TANGO2: variants seen among roughly 807,000 people sequenced by gnomAD.
The protein encoded by TANGO2 is transport and golgi organization 2 homolog.
In TANGO2, 26 loss-of-function variants were observed where a neutral mutation model predicts 39.1. That is an observed-to-expected ratio of 0.67 (90% CI 0.49 to 0.92). TANGO2 has a LOEUF of 0.92. TANGO2 is among the 40% of genes least tolerant of loss of function. The pLI is 0.00. For missense variants in TANGO2, 326 were observed against 360.1 expected, an observed-to-expected ratio of 0.91 and a Z score of 0.77; for synonymous variants, 131 against 144.5, an observed-to-expected ratio of 0.91 and a Z score of 0.67.
At chr22:20,028,832 G>A (rs2041288901) in intron 1 of TANGO2, among the ~76,000 whole-genome samples, 1 of 152,226 alleles carries the variant, frequency 6.6e-6, no homozygotes, top group Non-Finnish European at 1.5e-5. Context: ...CTGTCAGCAT[G>A]GCCCTCGTCC....
In TANGO2 at chr22:20,043,446, G is replaced by A; in HGVS notation, c.145+3G>A. ...GAACAACAACGAGATCCTCAGTGGTGAGTCTTCCTGCGTGCTCAGCGGTGG... is the reference window on the plus strand; with the variant it reads ...GAACAACAACGAGATCCTCAGTGGTAAGTCTTCCTGCGTGCTCAGCGGTGG... On this transcript the variant is annotated splice_donor_region_variant and intron_variant, in intron 3 of 8. Coordinates refer to ENST00000327374, the MANE Select transcript of TANGO2 (RefSeq NM_152906.7). The A allele has an allele frequency of 6.2e-7, 1 of 1,608,428 alleles. No homozygotes were observed.
intron 2 of TANGO2, among the ~76,000 whole-genome samples, chr22:20,039,331 A>G (rs530752748): frequency 6.6e-6 from 1 of 151,932 alleles, no homozygotes; most frequent in East Asian, 2.0e-4. Flanking sequence ...TATCTCTTTC[A>G]AAACTGCCTG....
intron 2 of TANGO2, among the ~76,000 whole-genome samples, chr22:20,039,990 T>A (rs1054183609): frequency 6.6e-6 from 1 of 152,140 alleles, no homozygotes; most frequent in Non-Finnish European, 1.5e-5. Context: ...TGACTTGCCA[T>A]CCTCAGGGAC....
chr22:20,063,594 G>A, intron 8 of TANGO2, 152 bp downstream of exon 8: 3 of 696,918 alleles, frequency 4.3e-6, no homozygotes, highest in Non-Finnish European at 4.6e-6. Flanking sequence ...AGACGCAGCT[G>A]CAGGGTGAGC....
upstream of TANGO2, among the ~76,000 whole-genome samples, chr22:20,018,755 G>A (rs901567502): frequency 6.6e-6 from 1 of 152,152 alleles, no homozygotes; most frequent in Non-Finnish European, 1.5e-5. Context: ...TCCAGCAGTC[G>A]GCCCATTAGG....
At chr22:20,043,318 T>G (rs2044342377) in intron 2 of TANGO2, 37 bp from the exon 3 acceptor site, 4 of 1,493,134 alleles carry the variant, frequency 2.7e-6, no homozygotes, top group African/African-American at 2.8e-5. Context: ...CTCGCTCGTT[T>G]CCATCTGAAG....
intron 1 of TANGO2, among the ~76,000 whole-genome samples, chr22:20,035,144 C>T (rs751381600): frequency 6.6e-6 from 1 of 152,214 alleles, no homozygotes; most frequent in Non-Finnish European, 1.5e-5. Context: ...GCCAGCAGAC[C>T]ATCTCAAATG....
At chr22:20,062,444 G>A (rs1405116851) in intron 7 of TANGO2, among the ~76,000 whole-genome samples, 1 of 152,078 alleles carries the variant, frequency 6.6e-6, no homozygotes, top group Non-Finnish European at 1.5e-5. Context: ...CTCCCCCTGG[G>A]GCCCCTTTCT....
intron 3 of TANGO2, among the ~76,000 whole-genome samples, chr22:20,050,442 C>T (rs953056632): frequency 3.6e-5 from 5 of 138,778 alleles, no homozygotes; most frequent in Non-Finnish European, 7.6e-5. Flanking sequence ...CTGCTCATTG[C>T]AACCTCCACC....
intron 3 of TANGO2, among the ~76,000 whole-genome samples, chr22:20,047,384 C>A (rs1343119084): frequency 6.6e-6 from 1 of 151,982 alleles, no homozygotes; most frequent in African/African-American, 2.4e-5. Flanking sequence ...CAGGCGCCTG[C>A]CACCATGCCC....
At chr22:20,032,575 T>C (rs1319138314) in intron 1 of TANGO2, among the ~76,000 whole-genome samples, 2 of 152,236 alleles carry the variant, frequency 1.3e-5, no homozygotes, top group South Asian at 4.1e-4. Flanking sequence ...CTGGCCTTCT[T>C]GGACTGCCAA....
intron 1 of TANGO2, among the ~76,000 whole-genome samples, chr22:20,036,049 C>T (rs1434984686): frequency 6.6e-6 from 1 of 152,124 alleles, no homozygotes; most frequent in Non-Finnish European, 1.5e-5. Context: ...CTCATTTTGT[C>T]TGTTCTTATC....
At chr22:20,043,324 T>C (rs2044344609) in intron 2 of TANGO2, 31 bp from the exon 3 acceptor site, 4 of 1,529,596 alleles carry the variant, frequency 2.6e-6, no homozygotes, top group Non-Finnish European at 3.6e-6. Context: ...CGTTTCCATC[T>C]GAAGCCATCA....
chr22:20,019,176 C>T (rs1314744308), upstream of TANGO2: 2 of 152,272 alleles, frequency 1.3e-5, no homozygotes, highest in Admixed American at 6.5e-5. Context: ...CATCCTCTCA[C>T]CTAGCTCCAT....
At chr22:20,063,261 CA>C in intron 7 of TANGO2, 76 bp from the exon 8 acceptor site, 1 of 1,323,916 alleles carries the variant, frequency 7.6e-7, no homozygotes, top group Middle Eastern at 1.8e-4. Flanking sequence ...GTTAGGCCAC[CA>C]GGTGGGCTGG....
intron 1 of TANGO2, chr22:20,033,001 G>A (rs2042151171): frequency 2.9e-6 from 1 of 346,654 alleles, no homozygotes; most frequent in African/African-American, 2.2e-5. Context: ...GAACCTGCAG[G>A]GCTTGGCTTA....
chr22:20,050,775 G>C (rs190994225), intron 3 of TANGO2, among the ~76,000 whole-genome samples: 1 of 150,298 alleles, frequency 6.7e-6, no homozygotes, highest in East Asian at 1.9e-4. Flanking sequence ...CTAATACATC[G>C]GTTTTGGTAT....
upstream of TANGO2, among the ~76,000 whole-genome samples, chr22:20,020,084 C>T (rs888395228): frequency 3.3e-5 from 5 of 152,238 alleles, no homozygotes; most frequent in East Asian, 7.7e-4. Flanking sequence ...AGGTCTTCAA[C>T]ACAGGTTGAA....
At chr22:20,020,117 G>T (rs1010770401), upstream of TANGO2, among the ~76,000 whole-genome samples, 1 of 152,198 alleles carries the variant, frequency 6.6e-6, no homozygotes, top group Non-Finnish European at 1.5e-5. Flanking sequence ...TCTCTTGCTT[G>T]CCACCTTTTT....
Sources: gnomAD v4.1 joint callset for allele counts (sites outside exome capture counted in the v4.1 genomes callset) on GRCh38, gnomAD v4.1.1 for gene constraint, MANE v1.5 for transcripts, NCBI Gene and HGNC (gene_info 2026-07-23, HGNC 2026-07-21) for gene names.